PIAS1: variants seen among roughly 807,000 people sequenced by gnomAD.
PIAS1 encodes protein inhibitor of activated STAT 1, also known as E3 SUMO-protein ligase PIAS1.
PIAS1 carries 6 observed loss-of-function variants against 71.3 expected under a neutral mutation model. The observed-to-expected ratio is 0.08, with a 90% CI of 0.05 to 0.17. The LOEUF (loss-of-function observed/expected upper bound fraction) is 0.17. Ranked by LOEUF, PIAS1 falls within the 10% of genes least tolerant of loss-of-function variation. The probability of loss-of-function intolerance (pLI) is 1.00; values close to 1 mark genes in which losing one functional copy is unlikely to be tolerated. For missense variants in PIAS1, 555 were observed against 793.6 expected, an observed-to-expected ratio of 0.70 and a Z score of 3.61; for synonymous variants, 303 against 292.9, an observed-to-expected ratio of 1.03 and a Z score of -0.35.
rs139739293 is a variant in PIAS1 at position 68,188,146 on chromosome 15, G to A, written c.*311G>A. 8.8e-4 allele frequency: 172 copies of A among 194,862 alleles called. No homozygotes were observed. The highest frequency in any genetic ancestry group is 3.8e-3 in the African/African-American group (161 of 42,840). 12.1% of individuals were successfully genotyped at this position (194,862 alleles called of 1,614,324 possible). A position where few individuals can be genotyped will look rare whatever the true frequency, so the allele number is the denominator to read the frequency against. On this transcript the variant is annotated 3_prime_UTR_variant, in exon 14 of 14. Coordinates refer to ENST00000249636, the MANE Select transcript of PIAS1 (RefSeq NM_016166.3). Reference sequence around the variant, plus strand: ...AGTTCATTTTTTTCTGGATTCTGAAGATTTTTCATTATTTGTCCTATGGTT... The same window carrying A: ...AGTTCATTTTTTTCTGGATTCTGAAAATTTTTCATTATTTGTCCTATGGTT...
chr15:68,105,742 A>G (rs987489851), intron 2 of PIAS1, among the ~76,000 whole-genome samples: 1 of 152,154 alleles, frequency 6.6e-6, no homozygotes, highest in African/African-American at 2.4e-5. Context: ...GAGGCTGAGC[A>G]TGAGAGTCGG....
At chr15:68,070,818 A>G (rs1320870583) in intron 1 of PIAS1, among the ~76,000 whole-genome samples, 1 of 152,170 alleles carries the variant, frequency 6.6e-6, no homozygotes, top group African/African-American at 2.4e-5. Context: ...ATGTGGCCTC[A>G]CTATGTTGGC....
intron 1 of PIAS1, among the ~76,000 whole-genome samples, chr15:68,076,030 G>A (rs1032874761): frequency 2.6e-5 from 4 of 151,988 alleles, no homozygotes; most frequent in Non-Finnish European, 5.9e-5. Flanking sequence ...TGATCTGCCC[G>A]CTGCCGCCTC....
intron 6 of PIAS1, among the ~76,000 whole-genome samples, chr15:68,147,535 TTATTAA>T (rs1459146958): frequency 2.0e-4 from 31 of 152,198 alleles, no homozygotes; most frequent in African/African-American, 6.5e-4. Flanking sequence ...ATGCAGAATA[TTATTAA>T]TATTATTTAT....
chr15:68,107,111 A>G (rs1279429105), intron 2 of PIAS1, among the ~76,000 whole-genome samples: 1 of 152,222 alleles, frequency 6.6e-6, no homozygotes, highest in Admixed American at 6.5e-5. Context: ...CAGCTCCAGT[A>G]AATGAATCTT....
chr15:68,183,505 C>T (rs1303071839), intron 12 of PIAS1, 125 bp from the exon 13 acceptor site: 3 of 586,732 alleles, frequency 5.1e-6, no homozygotes, highest in East Asian at 3.1e-5. Context: ...CTCAACTCTT[C>T]ATGTTTAAAT....
Position 68,173,360 on chromosome 15 carries a change from C to T in PIAS1, c.1009-372C>T, listed in dbSNP as rs1231026168. Among the ~76,000 whole-genome samples, 1 of 151,526 alleles carries T rather than the reference C, an allele frequency of 6.6e-6. No individual in the cohort carries two copies. Among genetic ancestry groups the T allele is most frequent in the East Asian group, 1.9e-4 (1 of 5,168 alleles). The stretch of plus-strand genomic sequence containing the variant: ...TCAGCCTGGGCAATATAGCAAGACC[C>T]CATCTGTTTAAAAAAAAAAAACTGG... On this transcript the variant is annotated intron_variant, in intron 8 of 13. Coordinates refer to ENST00000249636, the MANE Select transcript of PIAS1 (RefSeq NM_016166.3). This position sits in a 1 kb window ranked among gnomAD's most constrained non-coding sequence, Gnocchi z 4.3.
intron 1 of PIAS1, among the ~76,000 whole-genome samples, chr15:68,075,680 T>C (rs988392275): frequency 1.3e-5 from 2 of 152,198 alleles, no homozygotes; most frequent in Admixed American, 6.5e-5. Flanking sequence ...TTAAAAAATA[T>C]TTAGGCAAGC....
At chr15:68,092,314 G>A (rs1252696359) in intron 2 of PIAS1, among the ~76,000 whole-genome samples, 1 of 152,114 alleles carries the variant, frequency 6.6e-6, no homozygotes, top group Non-Finnish European at 1.5e-5. Context: ...TGGGACGACA[G>A]GCAGGAGCAA....
chr15:68,082,557 A>G (rs1288192248), intron 1 of PIAS1, among the ~76,000 whole-genome samples: 1 of 152,216 alleles, frequency 6.6e-6, no homozygotes, highest in Non-Finnish European at 1.5e-5. Context: ...AAGCAAAGTT[A>G]TACAGAAAAG....
At chr15:68,059,253 C>G (rs532748882) in intron 1 of PIAS1, among the ~76,000 whole-genome samples, 2 of 151,930 alleles carry the variant, frequency 1.3e-5, no homozygotes, top group Non-Finnish European at 2.9e-5. Flanking sequence ...GTGATTTGCC[C>G]GTCTCGGCCT....
intron 7 of PIAS1, among the ~76,000 whole-genome samples, chr15:68,155,449 T>TA (rs71937461): frequency 0.017 from 1,748 of 103,256 alleles, 31 homozygotes; most frequent in East Asian, 0.04. Flanking sequence ...ATGCTGCCTG[T>TA]AAAAAAAAAA....
Position 68,193,721 on chromosome 15 carries a change from C to A in PIAS1, c.*5886C>A. Reference sequence around the variant, plus strand: ...ATTTGCCCAAAGTCACAGTGGGAAGCAGCAGAGCCAGGACTGGAACCCAGG... The same window carrying A: ...ATTTGCCCAAAGTCACAGTGGGAAGAAGCAGAGCCAGGACTGGAACCCAGG... On this transcript the variant is annotated 3_prime_UTR_variant, in exon 14 of 14. Transcript: ENST00000249636. The A allele has an allele frequency of 3.2e-6, 1 of 314,552 alleles. No individual in the cohort carries two copies. Among genetic ancestry groups the A allele is most frequent in the South Asian group, 5.3e-5 (1 of 18,950 alleles). 19.5% of individuals were successfully genotyped at this position (314,552 alleles called of 1,614,324 possible).
In PIAS1 at chr15:68,176,394, C is replaced by G. The variant is rs2093020295; in HGVS notation, c.1301-80C>G. 7 of 893,094 alleles carry G rather than the reference C, an allele frequency of 7.8e-6. No homozygotes were observed. In the East Asian group the frequency reaches 1.6e-4, roughly 21 times the overall value. 55.3% of individuals were successfully genotyped at this position (893,094 alleles called of 1,614,324 possible). ...ACAATATTGTGAATCTAAACTGTAA[C>G]TGATAAACTGTAGTGACACTGAGAA... On this transcript the variant is annotated intron_variant, in intron 10 of 13. Coordinates refer to ENST00000249636, the MANE Select transcript of PIAS1 (RefSeq NM_016166.3).
intron 10 of PIAS1, 24 bp downstream of exon 10, chr15:68,175,791 A>G: frequency 2.5e-6 from 4 of 1,577,316 alleles, no homozygotes; most frequent in Non-Finnish European, 3.5e-6. Flanking sequence ...CACAAGGAAG[A>G]GGCAGTCTCC....
intron 1 of PIAS1, among the ~76,000 whole-genome samples, chr15:68,068,949 G>A (rs1463545178): frequency 7.2e-6 from 1 of 139,346 alleles, no homozygotes; most frequent in African/African-American, 2.7e-5. Flanking sequence ...AGGCTGGAGT[G>A]CAGTGGCACA....
chr15:68,136,011 G>A (rs2092731297), intron 2 of PIAS1, among the ~76,000 whole-genome samples: 1 of 48,784 alleles, frequency 2.0e-5, no homozygotes, highest in African/African-American at 4.4e-5. Context: ...GATGGTGGCC[G>A]GGAAGAGGTG....
chr15:68,054,359 C>T lies in PIAS1; in HGVS notation c.24+9C>T, dbSNP rs1056397822. 13 of 1,572,698 alleles carry T rather than the reference C, an allele frequency of 8.3e-6. No homozygotes were observed. Among genetic ancestry groups the T allele is most frequent in the Non-Finnish European group, 1.1e-5 (13 of 1,159,668 alleles). Reference sequence around the variant, plus strand: ...ACAGTGCGGAACTAAAGGTAAAGCGCAGCTCGAATTCACTTCTAATATTCG... The same window carrying T: ...ACAGTGCGGAACTAAAGGTAAAGCGTAGCTCGAATTCACTTCTAATATTCG... On this transcript the variant is annotated intron_variant, in intron 1 of 13. Coordinates refer to ENST00000249636, the MANE Select transcript of PIAS1 (RefSeq NM_016166.3). The surrounding 1 kb of genome is among the most constrained non-coding windows in gnomAD (Gnocchi z 4.6).
rs1387830108 is a variant in PIAS1, at chr15:68,187,269, A to G, written c.1663-273A>G. On this transcript the variant is annotated intron_variant, in intron 13 of 13. Coordinates refer to ENST00000249636, the MANE Select transcript of PIAS1 (RefSeq NM_016166.3). The surrounding 1 kb of genome is among the most constrained non-coding windows in gnomAD (Gnocchi z 5.3). ...TGAGCATATGCTTCTTGGGAAATAG[A>G]ATTGGTAATTGCTTGCAATACAAAC... 6.6e-6 allele frequency among the ~76,000 whole-genome samples: 1 copy of G among 152,208 alleles called. No individual in the cohort carries two copies. The highest frequency in any genetic ancestry group is 2.4e-5 in the African/African-American group (1 of 41,442).
Sources: allele counts gnomAD v4.1 joint callset (sites outside exome capture counted in the v4.1 genomes callset), GRCh38; gene constraint gnomAD v4.1.1; non-coding constraint Gnocchi (gnomAD v3.1); transcripts MANE v1.5; gene names NCBI Gene and HGNC (gene_info 2026-07-23, HGNC 2026-07-21).